Variants in VOPP1 observed in about 807,000 individuals in gnomAD.
VOPP1 encodes the protein VOPP1 WW domain binding protein, also known as WW domain binding protein VOPP1.
In VOPP1, 8 loss-of-function variants were observed where a neutral mutation model predicts 23.5. The observed-to-expected ratio is 0.34, with a 90% CI of 0.20 to 0.61. The LOEUF (loss-of-function observed/expected upper bound fraction) is 0.61, where lower values mean the gene tolerates loss of function less well. VOPP1 is among the 20% of genes least tolerant of loss of function. The pLI, the probability that VOPP1 is intolerant of heterozygous loss-of-function variation, is 0.78. For missense variants in VOPP1, 174 were observed against 238.1 expected, an observed-to-expected ratio of 0.73 and a Z score of 1.77; for synonymous variants, 83 against 97.3, an observed-to-expected ratio of 0.85 and a Z score of 0.86.
intron 2 of VOPP1, among the ~76,000 whole-genome samples, chr7:55,513,228 G>A (rs762688927): frequency 1.2e-3 from 187 of 151,954 alleles, no homozygotes; most frequent in Non-Finnish European, 1.0e-3. Context: ...CTCCCTCATC[G>A]CTAACTTCCC....
downstream of VOPP1, among the ~76,000 whole-genome samples, chr7:55,469,397 C>T (rs1791717178): frequency 6.6e-6 from 1 of 152,044 alleles, no homozygotes; most frequent in Non-Finnish European, 1.5e-5. Context: ...TGGGGTTGCA[C>T]CTGTACTCTG....
intron 4 of VOPP1, among the ~76,000 whole-genome samples, chr7:55,490,434 G>T (rs1476244636): frequency 2.6e-5 from 4 of 152,086 alleles, no homozygotes; most frequent in Non-Finnish European, 5.9e-5. Context: ...GGCATGCCAG[G>T]GTTCAAAAGA....
At chr7:55,447,209 C>T (rs558451809) in intron 4 of VOPP1, among the ~76,000 whole-genome samples, 2 of 152,286 alleles carry the variant, frequency 1.3e-5, no homozygotes, top group South Asian at 2.1e-4. Context: ...TCAGGCAAGG[C>T]GTCAGATTAG....
chr7:55,542,328 G>C (rs1797167869), intron 1 of VOPP1, among the ~76,000 whole-genome samples: 1 of 152,094 alleles, frequency 6.6e-6, no homozygotes, highest in Non-Finnish European at 1.5e-5. Flanking sequence ...AACTACAGTT[G>C]CTCTACTGTG....
chr7:55,530,912 C>T (rs1296854263), intron 1 of VOPP1: 1 of 152,230 alleles, frequency 6.6e-6, no homozygotes, highest in Non-Finnish European at 1.5e-5. Flanking sequence ...GAAACTGTCT[C>T]TGCAATCAGC....
intron 2 of VOPP1, among the ~76,000 whole-genome samples, chr7:55,500,117 A>G (rs75162528): frequency 0.011 from 1,672 of 152,306 alleles, 11 homozygotes; most frequent in Middle Eastern, 0.02. Context: ...TGGTGAGTTT[A>G]GGAGTGTGGA....
At chr7:55,505,742 C>A (rs117195106) in intron 2 of VOPP1, among the ~76,000 whole-genome samples, 1,634 of 149,146 alleles carry the variant, frequency 0.011, 11 homozygotes, top group Middle Eastern at 0.021. Flanking sequence ...CAAGCCTTCC[C>A]TATTTTCATT....
intron 4 of VOPP1, among the ~76,000 whole-genome samples, chr7:55,475,860 G>A (rs1290212064): frequency 1.3e-5 from 2 of 152,230 alleles, no homozygotes; most frequent in Non-Finnish European, 2.9e-5. Context: ...TGCACGGTGG[G>A]GAATGGCATG....
At chr7:55,556,288 C>T (rs1224713243) in intron 1 of VOPP1, among the ~76,000 whole-genome samples, 1 of 152,228 alleles carries the variant, frequency 6.6e-6, no homozygotes, top group Non-Finnish European at 1.5e-5. Flanking sequence ...TGACTCATTC[C>T]ACCAGGTCTC....
chr7:55,565,824 TGCC>T (rs750363218), intron 1 of VOPP1, among the ~76,000 whole-genome samples: 2 of 152,152 alleles, frequency 1.3e-5, no homozygotes, highest in African/African-American at 2.4e-5. Flanking sequence ...GTTTTGATGC[TGCC>T]AGTCAGACCA....
At chr7:55,526,711 A>G (rs1584033901) in intron 1 of VOPP1, 1 of 152,212 alleles carries the variant, frequency 6.6e-6, no homozygotes, top group South Asian at 2.1e-4. Flanking sequence ...CCAGCAGCTC[A>G]CTGACAGGAC....
intron 1 of VOPP1, among the ~76,000 whole-genome samples, chr7:55,538,209 G>T (rs546912903): frequency 2.0e-5 from 3 of 152,174 alleles, no homozygotes; most frequent in African/African-American, 4.8e-5. Flanking sequence ...AGTCTATTTT[G>T]CTACAAACCA....
chr7:55,476,429 CGG>C (rs1005707729), intron 4 of VOPP1, among the ~76,000 whole-genome samples: 1 of 7,646 alleles, frequency 1.3e-4, no homozygotes, highest in South Asian at 3.8e-3. Flanking sequence ...AGTGGCGTGT[CGG>C]GGGGGTGGGC....
At chr7:55,510,069 C>T (rs1302264512) in intron 2 of VOPP1, among the ~76,000 whole-genome samples, 1 of 152,094 alleles carries the variant, frequency 6.6e-6, no homozygotes, top group Non-Finnish European at 1.5e-5. Flanking sequence ...TGCAGATGAA[C>T]TGGGGAGGAA....
intron 4 of VOPP1, among the ~76,000 whole-genome samples, chr7:55,451,829 G>A (rs553158760): frequency 2.6e-5 from 4 of 152,244 alleles, no homozygotes; most frequent in South Asian, 2.1e-4. Context: ...AAATGCTAAC[G>A]GTTATCTGGG....
chr7:55,513,920 G>A (rs1050185613), intron 2 of VOPP1, among the ~76,000 whole-genome samples: 7 of 152,174 alleles, frequency 4.6e-5, no homozygotes, highest in African/African-American at 1.7e-4. Context: ...CATCTAAATA[G>A]CCAGCTCTCT....
chr7:55,538,785 G>T, intron 1 of VOPP1: 5 of 583,256 alleles, frequency 8.6e-6, no homozygotes, highest in Admixed American at 3.4e-5. Context: ...TTGAGCTGCT[G>T]ATGAGGAAAC....
Position 55,572,435 on chromosome 7 carries a change from G to A in VOPP1, c.-111C>T, listed in dbSNP as rs1798400706. The A allele has an allele frequency of 1.9e-5, 15 of 770,312 alleles. No homozygotes were observed. The highest frequency in any genetic ancestry group is 2.4e-5 in the Non-Finnish European group (15 of 615,026). 47.7% of individuals were successfully genotyped at this position (770,312 alleles called of 1,614,324 possible). The stretch of plus-strand genomic sequence containing the variant: ...GACTGCAGCCGGGAGCCGTCCCGCC[G>A]ACCGCTGGGGGGCCCGGCTGGGAGC... On this transcript the variant is annotated 5_prime_UTR_variant, in exon 1 of 5. Coordinates refer to ENST00000285279, the MANE Select transcript of VOPP1 (RefSeq NM_030796.5).
chr7:55,470,092 TTA>T (rs1791736059), downstream of VOPP1, among the ~76,000 whole-genome samples: 1 of 152,122 alleles, frequency 6.6e-6, no homozygotes, highest in Admixed American at 6.5e-5. Context: ...TTTGCAAACA[TTA>T]TGTCAATTAG....
Sources: gnomAD v4.1 joint callset for allele counts (sites outside exome capture counted in the v4.1 genomes callset) on GRCh38, gnomAD v4.1.1 for gene constraint, MANE v1.5 for transcripts, NCBI Gene and HGNC (gene_info 2026-07-23, HGNC 2026-07-21) for gene names.